Variants in PRORP observed in about 807,000 individuals in gnomAD.
PRORP encodes the protein protein only RNase P catalytic subunit, also known as mitochondrial ribonuclease P catalytic subunit.
In PRORP, 51 loss-of-function variants were observed where a neutral mutation model predicts 59.4. The observed-to-expected ratio is 0.86, with a 90% CI of 0.69 to 1.08. PRORP has a LOEUF of 1.08. PRORP is among the 50% of genes least tolerant of loss of function. The pLI, the probability that PRORP is intolerant of heterozygous loss-of-function variation, is 0.00. For synonymous variants in PRORP, 231 were observed against 245.6 expected, an observed-to-expected ratio of 0.94 and a Z score of 0.55; for missense variants, 646 against 690.3, an observed-to-expected ratio of 0.94 and a Z score of 0.72.
At chr14:35,126,848 G>A in intron 3 of PRORP, 66 bp downstream of exon 3, 1 of 1,205,116 alleles carries the variant, frequency 8.3e-7, no homozygotes, top group Non-Finnish European at 1.2e-6. Context: ...GCTATTAATT[G>A]AAAAATATTT....
chr14:35,256,291 C>CAAA (rs199957765), intron 5 of PRORP, among the ~76,000 whole-genome samples: 9 of 81,874 alleles, frequency 1.1e-4, no homozygotes, highest in Non-Finnish European at 1.7e-4. Context: ...CTCAAAATCT[C>CAAA]AAAAAAAAAA....
rs1595252895 is a variant in PRORP at position 35,180,047 on chromosome 14, C to T, written c.1168-623C>T. Reference sequence around the variant, plus strand: ...ATCAGCAGCGGAGGCTGCAGAACAGCGAATATTGCTGAACAGCAAATATTG... The same window carrying T: ...ATCAGCAGCGGAGGCTGCAGAACAGTGAATATTGCTGAACAGCAAATATTG... On this transcript the variant is annotated intron_variant, in intron 4 of 7. Coordinates refer to ENST00000534898, the MANE Select transcript of PRORP (RefSeq NM_014672.4). Among the ~76,000 whole-genome samples the T allele has an allele frequency of 4.6e-5, 7 of 152,168 alleles. No individual in the cohort carries two copies. In the South Asian group the frequency reaches 6.2e-4, roughly 14 times the overall value.
chr14:35,182,380 C>T (rs1303945375), intron 5 of PRORP, among the ~76,000 whole-genome samples: 1 of 152,148 alleles, frequency 6.6e-6, no homozygotes, highest in Non-Finnish European at 1.5e-5. Context: ...CACGGTGGCT[C>T]ACGCCTGTAA....
intron 4 of PRORP, among the ~76,000 whole-genome samples, chr14:35,134,632 C>T (rs2047329579): frequency 6.6e-6 from 1 of 152,028 alleles, no homozygotes; most frequent in Admixed American, 6.6e-5. Flanking sequence ...ACCGGTACCC[C>T]ATCCTGCTGT....
chr14:35,156,947 CTT>C (rs1595206814), intron 4 of PRORP, among the ~76,000 whole-genome samples: 2 of 130,478 alleles, frequency 1.5e-5, no homozygotes, highest in East Asian at 4.8e-4. Flanking sequence ...TCATTTTTTT[CTT>C]TTTTCTTTTC....
chr14:35,166,475 G>C (rs1052122500), intron 4 of PRORP, among the ~76,000 whole-genome samples: 18 of 140,514 alleles, frequency 1.3e-4, no homozygotes, highest in African/African-American at 4.8e-4. Context: ...TTTTGAGATG[G>C]AGTCTCGCTC....
intron 4 of PRORP, among the ~76,000 whole-genome samples, chr14:35,150,566 A>G (rs1328297778): frequency 1.3e-5 from 2 of 152,180 alleles, no homozygotes; most frequent in East Asian, 3.8e-4. Context: ...GGCCTTCCCA[A>G]TGTCAAATGT....
intron 5 of PRORP, among the ~76,000 whole-genome samples, chr14:35,227,003 T>C (rs2049952099): frequency 6.6e-6 from 1 of 152,100 alleles, no homozygotes; most frequent in African/African-American, 2.4e-5. Flanking sequence ...CCCAAAGTTC[T>C]GGGATACAGG....
At chr14:35,164,295 C>T (rs1025023648) in intron 4 of PRORP, among the ~76,000 whole-genome samples, 2 of 152,108 alleles carry the variant, frequency 1.3e-5, no homozygotes, top group Non-Finnish European at 2.9e-5. Flanking sequence ...GGGTGTATAC[C>T]CAAAGGGAAA....
At chr14:35,256,031 A>G (rs889392658) in intron 5 of PRORP, among the ~76,000 whole-genome samples, 7 of 151,972 alleles carry the variant, frequency 4.6e-5, no homozygotes, top group Non-Finnish European at 7.4e-5. Flanking sequence ...CACGCCTGTA[A>G]TCCCAGCACT....
intron 5 of PRORP, among the ~76,000 whole-genome samples, chr14:35,217,122 T>C (rs1394686175): frequency 6.6e-6 from 1 of 152,344 alleles, no homozygotes; most frequent in East Asian, 1.9e-4. Flanking sequence ...AGATGACTTT[T>C]GAAGCACAAA....
At chr14:35,151,934 C>CTTTT (rs11342103) in intron 4 of PRORP, among the ~76,000 whole-genome samples, 4 of 124,834 alleles carry the variant, frequency 3.2e-5, no homozygotes, top group Non-Finnish European at 5.0e-5. Context: ...GTTAATCCAT[C>CTTTT]TTTTTTTTTT....
At chr14:35,164,834 A>G (rs893847187) in intron 4 of PRORP, among the ~76,000 whole-genome samples, 2 of 152,214 alleles carry the variant, frequency 1.3e-5, no homozygotes, top group African/African-American at 4.8e-5. Context: ...AGTCCTTATT[A>G]GTCTCTTTTG....
At chr14:35,262,437 C>A in intron 5 of PRORP, 1 of 406,504 alleles carries the variant, frequency 2.5e-6, no homozygotes, top group Non-Finnish European at 4.6e-6. Flanking sequence ...GAATAACTTT[C>A]TTTGCCATGT....
intron 5 of PRORP, among the ~76,000 whole-genome samples, chr14:35,197,688 C>G (rs1028556603): frequency 6.6e-6 from 1 of 152,140 alleles, no homozygotes; most frequent in Non-Finnish European, 1.5e-5. Context: ...AGAGTATTCA[C>G]TCTGCCAACT....
chr14:35,154,284 G>A (rs894550043), intron 4 of PRORP, among the ~76,000 whole-genome samples: 3 of 152,182 alleles, frequency 2.0e-5, no homozygotes, highest in African/African-American at 7.2e-5. Flanking sequence ...AGTTTGGGAG[G>A]GAAGGAAGGC....
At chr14:35,217,078 TC>T (rs1044892688) in intron 5 of PRORP, among the ~76,000 whole-genome samples, 6 of 152,200 alleles carry the variant, frequency 3.9e-5, no homozygotes, top group Admixed American at 3.9e-4. Context: ...TGCAAAATTT[TC>T]CCCCCATTCT....
chr14:35,208,373 C>G (rs2049349422), intron 5 of PRORP, among the ~76,000 whole-genome samples: 1 of 152,072 alleles, frequency 6.6e-6, no homozygotes, highest in Non-Finnish European at 1.5e-5. Context: ...CCCAGGAGTT[C>G]AAGGCCTGAC....
At chr14:35,203,808 TG>T (rs1336596301) in intron 5 of PRORP, among the ~76,000 whole-genome samples, 1 of 152,136 alleles carries the variant, frequency 6.6e-6, no homozygotes, top group African/African-American at 2.4e-5. Context: ...GAGCCTGCAG[TG>T]AGCTGAGATC....
Sources: allele counts gnomAD v4.1 joint callset (sites outside exome capture counted in the v4.1 genomes callset), GRCh38; gene constraint gnomAD v4.1.1; transcripts MANE v1.5; gene names NCBI Gene and HGNC (gene_info 2026-07-23, HGNC 2026-07-21).